Variants in RAP1GAP2 observed in about 807,000 individuals in gnomAD.
The protein encoded by RAP1GAP2 is rap1 GTPase-activating protein 2.
In RAP1GAP2, 27 loss-of-function variants were observed where a neutral mutation model predicts 95.0. The observed-to-expected ratio is 0.28, with a 90% CI of 0.21 to 0.39. The LOEUF is 0.39. Ranked by LOEUF, RAP1GAP2 falls within the 10% of genes least tolerant of loss-of-function variation. The pLI, the probability that RAP1GAP2 is intolerant of heterozygous loss-of-function variation, is 1.00. For synonymous variants in RAP1GAP2, 373 were observed against 380.9 expected, an observed-to-expected ratio of 0.98 and a Z score of 0.24; for missense variants, 771 against 970.0, an observed-to-expected ratio of 0.79 and a Z score of 2.72.
At chr17:2,840,163 TATTG>T (rs986177738) in intron 2 of RAP1GAP2, among the ~76,000 whole-genome samples, 5 of 152,056 alleles carry the variant, frequency 3.3e-5, no homozygotes, top group Admixed American at 1.3e-4. Context: ...TTTAAATTTT[TATTG>T]ATTGATTGAG....
intron 3 of RAP1GAP2, among the ~76,000 whole-genome samples, chr17:2,928,446 C>T (rs1033422345): frequency 1.3e-5 from 2 of 151,986 alleles, no homozygotes; most frequent in Admixed American, 6.6e-5. Flanking sequence ...TGACAGCCTG[C>T]GTGTCCGGGG....
intron 3 of RAP1GAP2, among the ~76,000 whole-genome samples, chr17:2,910,756 C>G (rs2042346888): frequency 6.6e-6 from 1 of 152,184 alleles, no homozygotes; most frequent in South Asian, 2.1e-4. Context: ...GACGGAGTCT[C>G]ACTCTGTCAC....
Position 2,827,329 on chromosome 17 carries a change from C to G in RAP1GAP2, c.80+26779C>G, listed in dbSNP as rs1226933140. Among the ~76,000 whole-genome samples the G allele has an allele frequency of 6.6e-6, 1 of 152,106 alleles. No homozygotes were observed. The highest frequency in any genetic ancestry group is 1.5e-5 in the Non-Finnish European group (1 of 68,022). On this transcript the variant is annotated intron_variant, in intron 2 of 24. Coordinates refer to ENST00000254695, the MANE Select transcript of RAP1GAP2 (RefSeq NM_015085.5). The surrounding 1 kb of genome is among the most constrained non-coding windows in gnomAD (Gnocchi z 4.1). The stretch of plus-strand genomic sequence containing the variant: ...GTCCTACAAAAGTGGACAATTCAGA[C>G]CCTGTTGGGTTTTGTGGCACTTTCT...
chr17:2,816,236 G>GCTT (rs2070020177), intron 2 of RAP1GAP2, among the ~76,000 whole-genome samples: 1 of 145,238 alleles, frequency 6.9e-6, no homozygotes, highest in Non-Finnish European at 1.5e-5. Context: ...GTTTTGTTTT[G>GCTT]TTTTTTTTTT....
At chr17:2,931,318 T>G (rs1362007143) in intron 3 of RAP1GAP2, among the ~76,000 whole-genome samples, 1 of 126,774 alleles carries the variant, frequency 7.9e-6, no homozygotes, top group African/African-American at 3.5e-5. Flanking sequence ...GTGTGTTGGG[T>G]GAACGTGACT....
chr17:2,848,339 T>C (rs2071674450), intron 2 of RAP1GAP2, among the ~76,000 whole-genome samples: 1 of 152,136 alleles, frequency 6.6e-6, no homozygotes, highest in Admixed American at 6.6e-5. Context: ...AGGCTTGTCT[T>C]TGAGGCCTCC....
chr17:2,856,845 G>A (rs1567714233), intron 2 of RAP1GAP2, among the ~76,000 whole-genome samples: 2 of 152,202 alleles, frequency 1.3e-5, no homozygotes, highest in African/African-American at 2.4e-5. Context: ...CATCCTGGTG[G>A]CTTTGGCCAT....
intron 4 of RAP1GAP2, 110 bp downstream of exon 4, chr17:2,957,904 C>A: frequency 1.7e-6 from 2 of 1,172,700 alleles, no homozygotes; most frequent in Non-Finnish European, 2.3e-6. Context: ...GACGGGGGTG[C>A]AGAGAAGAGA....
At chr17:2,912,210 C>G (rs529539373) in intron 3 of RAP1GAP2, among the ~76,000 whole-genome samples, 33 of 152,336 alleles carry the variant, frequency 2.2e-4, no homozygotes, top group Middle Eastern at 3.4e-3. Context: ...CTCCTTGCCC[C>G]TCTCTATCCC....
chr17:2,962,647 T>A, intron 4 of RAP1GAP2, 23 bp from the exon 5 acceptor site: 1 of 1,571,500 alleles, frequency 6.4e-7, no homozygotes, highest in Non-Finnish European at 8.6e-7. Context: ...TTTCTGTGGA[T>A]CCTGTTTTCC....
At chr17:2,819,825 A>C (rs1457629729) in intron 2 of RAP1GAP2, among the ~76,000 whole-genome samples, 4 of 134,512 alleles carry the variant, frequency 3.0e-5, no homozygotes, top group Non-Finnish European at 4.7e-5. Flanking sequence ...ACAGGATCTC[A>C]CTCTGTTGCT....
chr17:2,823,696 T>C (rs1185891735), intron 2 of RAP1GAP2, among the ~76,000 whole-genome samples: 1 of 151,984 alleles, frequency 6.6e-6, no homozygotes, highest in African/African-American at 2.4e-5. Context: ...TGACTCAAGG[T>C]CAAAAGAGGC....
In RAP1GAP2 at chr17:2,991,299, C is replaced by G. The variant is rs928048599; in HGVS notation, c.816C>G (p.Thr272=). The change falls in exon 12 of 25, where the codon ACC becomes ACG. Residue 272 remains threonine, a splice_region_variant and synonymous_variant. Transcript: ENST00000254695. The part of the protein sequence containing the change: ...FGVIYQKARQ[T]LEEELFGNNE... ...CCTTATTCCTGTTTCTCTTTCAGAC[C>G]CTGGAGGAGGAGCTATTTGGGAACA... is the stretch of plus-strand genomic sequence containing the variant. The G allele has an allele frequency of 6.3e-7, 1 of 1,596,178 alleles. No individual in the cohort carries two copies. Among genetic ancestry groups the G allele is most frequent in the Non-Finnish European group, 8.5e-7 (1 of 1,169,942 alleles).
At position 2,786,654 on chromosome 17, in the gene RAP1GAP2, T is replaced by A. The variant is rs564437734; in HGVS notation, c.-14+9376T>A. 3.6e-5 allele frequency among the ~76,000 whole-genome samples: 5 copies of A among 140,386 alleles called. No homozygotes were observed. In the East Asian group the frequency reaches 6.6e-4, roughly 18 times the overall value. The allele number at this position is 140,386 out of a possible 152,430, so 92.1% of individuals were successfully genotyped here. A position where few individuals can be genotyped will look rare whatever the true frequency, so the allele number is the denominator to read the frequency against. On this transcript the variant is annotated intron_variant, in intron 1 of 24. Coordinates refer to the RAP1GAP2 transcript ENST00000540393. ...TTTTTTCTTCAATTTTTTTTTTTTT[T>A]AATGTTTTGCGATGGAGTCTCACTC...
chr17:2,778,141 TC>T (rs1423268845), intron 1 of RAP1GAP2, among the ~76,000 whole-genome samples: 6 of 138,026 alleles, frequency 4.3e-5, no homozygotes, highest in Non-Finnish European at 6.2e-5. Context: ...GGCTCTGCCC[TC>T]AGCTCCAAGC....
At chr17:2,787,795 C>T (rs2068824736) in intron 1 of RAP1GAP2, among the ~76,000 whole-genome samples, 1 of 152,066 alleles carries the variant, frequency 6.6e-6, no homozygotes, top group African/African-American at 2.4e-5. Context: ...TTTCAATCTC[C>T]TGACCTCGTG....
rs541638232 is a variant in RAP1GAP2 at position 2,915,167 on chromosome 17, C to T, written c.165+9799C>T. Among the ~76,000 whole-genome samples, 11 of 152,276 alleles carry T rather than the reference C, an allele frequency of 7.2e-5. No individual in the cohort carries two copies. The East Asian group carries it at 2.1e-3, about 29-fold the overall frequency. Reference sequence around the variant, plus strand: ...TCAAACTCTGGCCTCAAGTGATCCTCCTGCCTGGGCTCCCAAATTGTTGGG... The same window carrying T: ...TCAAACTCTGGCCTCAAGTGATCCTTCTGCCTGGGCTCCCAAATTGTTGGG... On this transcript the variant is annotated intron_variant, in intron 3 of 24. Coordinates refer to ENST00000254695, the MANE Select transcript of RAP1GAP2 (RefSeq NM_015085.5).
At chr17:3,025,307 G>C (rs1019996390) in intron 19 of RAP1GAP2, among the ~76,000 whole-genome samples, 4 of 152,172 alleles carry the variant, frequency 2.6e-5, no homozygotes, top group Non-Finnish European at 4.4e-5. Context: ...AACCTGGGAG[G>C]CGGAGGTTGC....
At chr17:2,894,236 T>C (rs756293056) in intron 2 of RAP1GAP2, among the ~76,000 whole-genome samples, 21 of 151,882 alleles carry the variant, frequency 1.4e-4, no homozygotes, top group Non-Finnish European at 8.8e-5. Flanking sequence ...TGAGACCAGC[T>C]TGGCCAACAT....
Sources: gnomAD v4.1 joint callset for allele counts (sites outside exome capture counted in the v4.1 genomes callset) on GRCh38, gnomAD v4.1.1 for gene constraint, Gnocchi (gnomAD v3.1) non-coding constraint, MANE v1.5 for transcripts, NCBI Gene and HGNC (gene_info 2026-07-23, HGNC 2026-07-21) for gene names.